Variants in SACS observed in about 807,000 individuals in gnomAD.
SACS encodes sacsin molecular chaperone.
A neutral mutation model predicts 348.0 loss-of-function variants in SACS; 197 were observed. The observed-to-expected ratio is 0.57, with a 90% CI of 0.50 to 0.64. SACS has a LOEUF of 0.64. SACS is among the 30% of genes least tolerant of loss of function. SACS has a pLI of 0.00. For missense variants in SACS, 4,999 were observed against 5,360.8 expected (o/e 0.93, Z 2.11); for synonymous variants, 1,985 against 1,910.6 (o/e 1.04, Z -1.02).
At chr13:23,391,400 C>T (rs1004503409) in intron 2 of SACS, among the ~76,000 whole-genome samples, 2 of 152,176 alleles carry the variant, frequency 1.3e-5, no homozygotes, top group Admixed American at 6.5e-5. Context: ...GGGCTGTGGT[C>T]ACTTTGGTTG....
In SACS at chr13:23,416,037, T is replaced by C. The variant is rs116306256; in HGVS notation, c.-501-4297A>G. 9.1e-3 allele frequency among the ~76,000 whole-genome samples: 1,386 copies of C among 152,214 alleles called. 27 individuals are homozygous for C. Among genetic ancestry groups the C allele is most frequent in the African/African-American group, 0.031 (1,270 of 41,518 alleles). On this transcript the variant is annotated intron_variant, in intron 1 of 9. Coordinates refer to ENST00000382292, the MANE Select transcript of SACS (RefSeq NM_014363.6). ...GCTCACGTCTGTAATCCTAGCACTC[T>C]GGGGGGCTGAGGCTGTTAGGTCACC...
chr13:23,355,946 A>G lies in SACS; in HGVS notation c.666T>C (p.Phe222=), dbSNP rs781762280. 5 of 1,613,924 alleles carry G rather than the reference A, an allele frequency of 3.1e-6. No individual in the cohort carries two copies. Among genetic ancestry groups the G allele is most frequent in the Non-Finnish European group, 2.5e-6 (3 of 1,179,932 alleles). The change falls in exon 8 of 10, where the codon TTT becomes TTC. Residue 222 remains phenylalanine, a synonymous_variant. Coordinates refer to ENST00000382292, the MANE Select transcript of SACS (RefSeq NM_014363.6). ...IGMLDPHQTL[F]GPHESGQCWN... ...AACATTGGCCTGATTCATGTGGGCC[A>G]AAAAGTGTTTGATGAGGATCTAGCA...
intron 1 of SACS, 111 bp downstream of exon 1, chr13:23,433,504 G>A (rs1874521234): frequency 6.6e-6 from 1 of 152,342 alleles, no homozygotes; most frequent in African/African-American, 2.4e-5. Context: ...CCGAGCCCTG[G>A]TTTCCCAAGG....
chr13:23,339,278 G>C lies in SACS; in HGVS notation c.4598C>G (p.Ser1533Ter), dbSNP rs886041813. 1 of 1,604,628 alleles carries C rather than the reference G, an allele frequency of 6.2e-7. No homozygotes were observed. The highest frequency in any genetic ancestry group is 1.1e-5 in the South Asian group (1 of 88,832). Residue 1533 changes from serine to a stop codon, truncating the protein, a stop_gained, in exon 10 of 10, where the codon TCA (serine) becomes TGA (stop). Transcript: ENST00000382292. LOFTEE classifies it high-confidence loss of function. ...TAACCTAGTTATGTTCACAAAATCT[G>C]AATCTGAGAATTGAGAATTGTTGAA... ...WSFNNSQFSD[S>*]DFVNITRLGE...
rs560937205 is a variant in SACS at position 23,332,224 on chromosome 13, C to T, written c.11652G>A (p.Leu3884=). The change falls in exon 10 of 10, where the codon CTG becomes CTA. Residue 3884 remains leucine (L), a synonymous_variant. Coordinates refer to ENST00000382292, the MANE Select transcript of SACS (RefSeq NM_014363.6). ...CTGAATCATTCTGTAGACTCCTGAA[C>T]AGACCAGAAACTACTCTCTTAACTG... ...MRTVKRVVSG[L]FRSLQNDSVK... 6.2e-7 allele frequency: 1 copy of T among 1,613,968 alleles called. No homozygotes were observed. The highest frequency in any genetic ancestry group is 8.5e-7 in the Non-Finnish European group (1 of 1,179,944).
At chr13:23,406,649 CAAT>C (rs1566105435) in intron 2 of SACS, among the ~76,000 whole-genome samples, 3 of 152,090 alleles carry the variant, frequency 2.0e-5, no homozygotes, top group Admixed American at 2.0e-4. Flanking sequence ...TTTCAAATCA[CAAT>C]AAATTTACAA....
Position 23,338,108 on chromosome 13 carries a change from TGTAA to T in SACS, c.5764_5767del (p.Leu1922ArgfsTer3), listed in dbSNP as rs759166250. ...CAGGTCCCGTAAGACACTCAGTACCTGTAAGTAAGCTTTCACAATAACATGTCTC... is the reference window on the plus strand; with the variant it reads ...CAGGTCCCGTAAGACACTCAGTACCTGTAAGCTTTCACAATAACATGTCTC... On this transcript the variant is annotated frameshift_variant, in exon 10 of 10. Transcript: ENST00000382292. LOFTEE classifies it high-confidence loss of function. The T allele has an allele frequency of 1.9e-6, 3 of 1,614,166 alleles. No individual in the cohort carries two copies. The highest frequency in any genetic ancestry group is 1.1e-5 in the South Asian group (1 of 91,088).
chr13:23,395,725 T>C (rs1872689353), intron 2 of SACS, among the ~76,000 whole-genome samples: 1 of 152,168 alleles, frequency 6.6e-6, no homozygotes, highest in Non-Finnish European at 1.5e-5. Context: ...TTAGCCCTCG[T>C]AGTGAGCAGG....
At chr13:23,417,015 A>T (rs1263864233) in intron 1 of SACS, among the ~76,000 whole-genome samples, 1 of 152,160 alleles carries the variant, frequency 6.6e-6, no homozygotes, top group Non-Finnish European at 1.5e-5. Context: ...TTTTTTCAAG[A>T]TTACTGATAT....
In SACS at chr13:23,329,279, AGAC is replaced by A; in HGVS notation, c.*854_*856del. 1.8e-6 allele frequency: 1 copy of A among 570,526 alleles called. No individual in the cohort carries two copies. The highest frequency in any genetic ancestry group is 2.4e-5 in the South Asian group (1 of 41,194). The allele number at this position is 570,526 out of a possible 1,614,324, so 35.3% of individuals were successfully genotyped here. On this transcript the variant is annotated 3_prime_UTR_variant, in exon 10 of 10. Transcript: ENST00000382292. ...TTTTTTTTTTAACTGCAGCACCTTTAGACAACAAAAGATTGCATCCTGTTCAAC... is the reference window on the plus strand; with the variant it reads ...TTTTTTTTTTAACTGCAGCACCTTTAAACAAAAGATTGCATCCTGTTCAAC...
At position 23,376,425 on chromosome 13, in the gene SACS, G is replaced by A. The variant is rs1335269832; in HGVS notation, c.21-1156C>T. On this transcript the variant is annotated intron_variant, in intron 2 of 9. Coordinates refer to ENST00000382292, the MANE Select transcript of SACS (RefSeq NM_014363.6). ...TGACATCTATTAAGGCAATTCAAAG[G>A]CTACATCATGAACAAGTAAACTTGT... 2.0e-5 allele frequency among the ~76,000 whole-genome samples: 3 copies of A among 151,756 alleles called. No individual in the cohort carries two copies. In the East Asian group the frequency reaches 5.8e-4, roughly 29 times the overall value.
intron 2 of SACS, among the ~76,000 whole-genome samples, chr13:23,395,219 G>C (rs545166602): frequency 6.6e-6 from 1 of 151,938 alleles, no homozygotes; most frequent in Non-Finnish European, 1.5e-5. Context: ...AGGCTTCATT[G>C]CTTGCAAAGT....
chr13:23,358,940 G>A (rs1446062525), intron 6 of SACS, among the ~76,000 whole-genome samples: 1 of 152,140 alleles, frequency 6.6e-6, no homozygotes, highest in Non-Finnish European at 1.5e-5. Context: ...AACACTTTGG[G>A]AGGCCAAAGC....
At chr13:23,395,991 G>T (rs1872698316) in intron 2 of SACS, among the ~76,000 whole-genome samples, 1 of 152,112 alleles carries the variant, frequency 6.6e-6, no homozygotes, top group African/African-American at 2.4e-5. Flanking sequence ...ATCCCTTTAA[G>T]GATTTCTATT....
chr13:23,375,297 GGGCTGC>G (rs1174555886), intron 2 of SACS, 28 bp from the exon 3 acceptor site: 1 of 1,398,950 alleles, frequency 7.1e-7, no homozygotes, highest in Non-Finnish European at 9.4e-7. Context: ...ACGCTCAGTC[GGGCTGC>G]GGCTGCCACC....
intron 1 of SACS, among the ~76,000 whole-genome samples, chr13:23,414,426 G>A (rs751861019): frequency 1.3e-5 from 2 of 152,312 alleles, no homozygotes; most frequent in East Asian, 3.9e-4. Flanking sequence ...GGACCTCCAG[G>A]GCTATCTGCC....
chr13:23,334,196 T>G lies in SACS; in HGVS notation c.9680A>C (p.Lys3227Thr), dbSNP rs765635417. The G allele has an allele frequency of 3.7e-5, 60 of 1,613,776 alleles. No individual in the cohort carries two copies. Among genetic ancestry groups the G allele is most frequent in the Non-Finnish European group, 4.8e-5 (57 of 1,179,832 alleles). ...TTTCCACTTTGTGCAACTTTTGGTC[T>G]TATATTCTCGAGGCAACACAGAGGA... is the stretch of plus-strand genomic sequence containing the variant. ...LLSSVLPREY[K>T]TKSCTKWKDN... Residue 3227 changes from lysine (K) to threonine (T), a missense_variant, in exon 10 of 10, where the codon AAG (lysine) becomes ACG (threonine). Physicochemically the swap from Lys to Thr is moderately conservative, Grantham distance 78. This residue lies in a region of SACS where 734 missense variants were observed against 694.0 expected (regional missense o/e 1.06). Coordinates refer to ENST00000382292, the MANE Select transcript of SACS (RefSeq NM_014363.6).
At chr13:23,431,619 G>A (rs1874436722) in intron 1 of SACS, among the ~76,000 whole-genome samples, 1 of 152,178 alleles carries the variant, frequency 6.6e-6, no homozygotes, top group Non-Finnish European at 1.5e-5. Flanking sequence ...GGCTCATGGT[G>A]GGAGTGGTCA....
In SACS at chr13:23,407,056, G is replaced by T. The variant is rs189681119; in HGVS notation, c.20+4164C>A. Among the ~76,000 whole-genome samples, 6 of 152,238 alleles carry T rather than the reference G, an allele frequency of 3.9e-5. No individual in the cohort carries two copies. The East Asian group carries it at 1.2e-3, about 29-fold the overall frequency. Reference sequence around the variant, plus strand: ...CACTGATGTCTATGCCATCACCAAGGACATTCAAACTGAAAGCCAGGACAG... The same window carrying T: ...CACTGATGTCTATGCCATCACCAAGTACATTCAAACTGAAAGCCAGGACAG... On this transcript the variant is annotated intron_variant, in intron 2 of 9. Transcript: ENST00000382292.
Sources: gnomAD v4.1 joint callset for allele counts (sites outside exome capture counted in the v4.1 genomes callset) on GRCh38, gnomAD v4.1.1 for gene constraint, gnomAD v4.1.1 regional missense constraint, MANE v1.5 for transcripts, NCBI Gene and HGNC (gene_info 2026-07-23, HGNC 2026-07-21) for gene names.